The following MTM1 variants were observed in gnomAD, a reference collection of about 807,000 sequenced individuals.
The protein encoded by MTM1 is myotubularin.
MTM1 carries 9 observed loss-of-function variants against 52.1 expected under a neutral mutation model. The observed-to-expected ratio is 0.17, with a 90% CI of 0.10 to 0.30. The LOEUF is 0.30. MTM1 is among the 10% of genes least tolerant of loss of function. The pLI is 1.00. For missense variants in MTM1, 277 were observed against 470.7 expected (o/e 0.59, Z 3.81); for synonymous variants, 136 against 163.8 (o/e 0.83, Z 1.29).
At chrX:150,635,724 G>A (rs222356) in intron 6 of MTM1, among the ~76,000 whole-genome samples, 1,528 of 111,845 alleles carry the variant, frequency 0.014, 33 homozygotes, top group African/African-American at 0.047. Flanking sequence ...TGAAAAGTAG[G>A]TCCTCGTACT....
chrX:150,565,188 T>C (rs1336736142), upstream of MTM1, among the ~76,000 whole-genome samples: 1 of 111,897 alleles, frequency 8.9e-6, no homozygotes, highest in Non-Finnish European at 1.9e-5. Flanking sequence ...CTTGACACTC[T>C]ATACATCACA....
intron 10 of MTM1, among the ~76,000 whole-genome samples, chrX:150,656,818 G>A (rs1467359900): frequency 7.1e-5 from 8 of 112,074 alleles, no homozygotes; most frequent in Admixed American, 3.8e-4. Context: ...CGAAGGATAT[G>A]AAGAGACACT....
intron 4 of MTM1, among the ~76,000 whole-genome samples, chrX:150,602,159 T>G (rs1228485279): frequency 8.9e-6 from 1 of 112,231 alleles, no homozygotes; most frequent in Admixed American, 9.4e-5. Flanking sequence ...ACTTTTAATA[T>G]GTCTTTTCTG....
At chrX:150,637,531 G>A (rs1452635707) in intron 6 of MTM1, among the ~76,000 whole-genome samples, 3 of 111,725 alleles carry the variant, frequency 2.7e-5, no homozygotes, top group Non-Finnish European at 3.8e-5. Context: ...CCTAGGGGAG[G>A]GGATAGTACA....
At chrX:150,591,179 T>A (rs1440507441) in intron 1 of MTM1, 15 of 180,256 alleles carry the variant, frequency 8.3e-5, no homozygotes, top group Non-Finnish European at 1.2e-4. Flanking sequence ...TCTTCTAAGT[T>A]GAGTATCTCT....
At chrX:150,638,682 T>C (rs2039795471) in intron 6 of MTM1, among the ~76,000 whole-genome samples, 1 of 111,311 alleles carries the variant, frequency 9.0e-6, no homozygotes, top group Non-Finnish European at 1.9e-5. Context: ...GATTTTTTTG[T>C]GGAACATCAT....
At chrX:150,563,305 CTTTTTTTTTTTT>C in the MTM1 span, among the ~76,000 whole-genome samples, 3 of 34,534 alleles carry the variant, frequency 8.7e-5, no homozygotes, top group East Asian at 2.8e-3. Context: ...TAAATCTCAG[CTTTTTTTTTTTT>C]TTTTTTTTTT....
In MTM1 at chrX:150,671,534, A is replaced by C. The variant is rs1557415151; in HGVS notation, c.1751A>C (p.Asp584Ala). ...LQLANSAKLS[D>A]PPTSPSSPSQ... ...CTCGCCAACTCTGCCAAGCTTTCTG[A>C]TCCCCCAACTTCACCTTCCAGTCCT... The change falls in exon 15 of 15, where the codon GAT becomes GCT. Residue 584 changes from aspartate (D) to alanine (A), a missense_variant. By Grantham distance (126) the Asp-to-Ala change is moderately radical. This residue lies in a region of MTM1 where 51 missense variants were observed against 52.2 expected (regional missense o/e 0.98). Transcript: ENST00000370396. The C allele has an allele frequency of 8.3e-7, 1 of 1,211,257 alleles. No homozygotes were observed. The highest frequency in any genetic ancestry group is 1.8e-5 in the South Asian group (1 of 56,932).
intron 1 of MTM1, among the ~76,000 whole-genome samples, chrX:150,591,601 G>A (rs1456298601): frequency 4.4e-5 from 5 of 112,987 alleles, no homozygotes; most frequent in African/African-American, 9.6e-5. Flanking sequence ...TTGTGCCAAG[G>A]TGTGTTAACC....
At chrX:150,582,096 C>T (rs1268172641) in intron 1 of MTM1, among the ~76,000 whole-genome samples, 1 of 111,377 alleles carries the variant, frequency 9.0e-6, no homozygotes, top group Non-Finnish European at 1.9e-5. Context: ...GTTTTTAGCT[C>T]CTTGAAGACA....
At chrX:150,615,557 G>A (rs1052055799) in intron 5 of MTM1, among the ~76,000 whole-genome samples, 5 of 110,856 alleles carry the variant, frequency 4.5e-5, no homozygotes, top group Middle Eastern at 4.7e-3. Context: ...AATCCAAGTC[G>A]TTCATTGTAT....
chrX:150,606,634 G>A lies in MTM1; in HGVS notation c.231+7948G>A, dbSNP rs2039162197. Among the ~76,000 whole-genome samples the A allele has an allele frequency of 2.7e-5, 3 of 111,292 alleles. No individual in the cohort carries two copies. The South Asian group carries it at 1.1e-3, about 42-fold the overall frequency. Reference sequence around the variant, plus strand: ...TTTTTCCTCCTTCCCTCGCATCTGAGAGGAAGGAATCAGACATCTTATTTT... The same window carrying A: ...TTTTTCCTCCTTCCCTCGCATCTGAAAGGAAGGAATCAGACATCTTATTTT... On this transcript the variant is annotated intron_variant, in intron 4 of 14. Transcript: ENST00000370396.
intron 13 of MTM1, among the ~76,000 whole-genome samples, chrX:150,661,749 A>G (rs782198780): frequency 1.8e-5 from 2 of 111,672 alleles, no homozygotes; most frequent in Admixed American, 9.5e-5. Context: ...ATAGTAACAG[A>G]GAGTAGAAGG....
In MTM1 at chrX:150,671,819, C is replaced by T. The variant is rs782387153; in HGVS notation, c.*224C>T. 3 of 431,931 alleles carry T rather than the reference C, an allele frequency of 6.9e-6. No homozygotes were observed. The highest frequency in any genetic ancestry group is 1.2e-5 in the Non-Finnish European group (3 of 255,268). 35.6% of individuals were successfully genotyped at this position (431,931 alleles called of 1,213,427 possible). A position where few individuals can be genotyped will look rare whatever the true frequency, so the allele number is the denominator to read the frequency against. ...GAGCTGAGATGAGGTTTTGGAAAACCCTGACACCTTTAAAAAGCAGTTTTT... is the reference window on the plus strand; with the variant it reads ...GAGCTGAGATGAGGTTTTGGAAAACTCTGACACCTTTAAAAAGCAGTTTTT... On this transcript the variant is annotated 3_prime_UTR_variant, in exon 15 of 15. Transcript: ENST00000370396.
intron 1 of MTM1, among the ~76,000 whole-genome samples, chrX:150,585,706 TTGAC>T (rs1433563360): frequency 2.7e-5 from 3 of 112,155 alleles, no homozygotes; most frequent in African/African-American, 9.7e-5. Context: ...TGGCAGGTAT[TTGAC>T]TGTTAAAAAA....
chrX:150,644,071 A>G (rs1033293738), intron 8 of MTM1, among the ~76,000 whole-genome samples: 5 of 111,369 alleles, frequency 4.5e-5, no homozygotes, highest in Non-Finnish European at 7.5e-5. Context: ...GGCCCGACTG[A>G]AATTTACAAC....
chrX:150,563,030 C>G, the MTM1 span, among the ~76,000 whole-genome samples: 1 of 111,324 alleles, frequency 9.0e-6, no homozygotes, highest in East Asian at 2.9e-4. Flanking sequence ...GGTAAGCTCT[C>G]TCTGTCCTGC....
intron 6 of MTM1, among the ~76,000 whole-genome samples, chrX:150,629,143 C>T (rs782075902): frequency 8.9e-6 from 1 of 111,874 alleles, no homozygotes; most frequent in South Asian, 3.8e-4. Flanking sequence ...ACCAGTTCCT[C>T]CCTCTCTGTC....
intron 5 of MTM1, among the ~76,000 whole-genome samples, 178 bp from the exon 6 acceptor site, chrX:150,618,860 G>T (rs1557413196): frequency 9.0e-6 from 1 of 110,700 alleles, no homozygotes; most frequent in Non-Finnish European, 1.9e-5. Flanking sequence ...AATATTTTCA[G>T]GTGTTCTTAA....
Sources: gnomAD v4.1 joint callset for allele counts (sites outside exome capture counted in the v4.1 genomes callset) on GRCh38, gnomAD v4.1.1 for gene constraint, gnomAD v4.1.1 regional missense constraint, MANE v1.5 for transcripts, NCBI Gene and HGNC (gene_info 2026-07-23, HGNC 2026-07-21) for gene names.